PDE2A: variants seen among roughly 807,000 people sequenced by gnomAD.
The protein encoded by PDE2A is phosphodiesterase 2A.
In PDE2A, 53 loss-of-function variants were observed where a neutral mutation model predicts 133.6. The ratio of observed to expected loss-of-function variants is 0.40; its 90% confidence interval spans 0.32 to 0.50. The LOEUF is 0.50. Among genes scored for constraint, PDE2A ranks in the 20% least tolerant of loss-of-function variants. The pLI, the probability that PDE2A is intolerant of heterozygous loss-of-function variation, is 0.73. For missense variants in PDE2A, 796 were observed against 1,232.4 expected (o/e 0.65, Z 5.30); for synonymous variants, 491 against 490.2 (o/e 1.00, Z -0.02).
intron 2 of PDE2A, among the ~76,000 whole-genome samples, chr11:72,639,257 G>T (rs781160676): frequency 6.6e-6 from 1 of 152,188 alleles, no homozygotes; most frequent in African/African-American, 2.4e-5. Flanking sequence ...TGTGAGGATG[G>T]GGACTCTTTC....
rs547959425 is a variant in PDE2A at position 72,621,229 on chromosome 11, C to T, written c.145-12478G>A. Among the ~76,000 whole-genome samples, 44 of 152,290 alleles carry T rather than the reference C, an allele frequency of 2.9e-4. No homozygotes were observed. In the South Asian group the frequency reaches 8.3e-3, roughly 29 times the overall value. On this transcript the variant is annotated intron_variant, in intron 2 of 30. Transcript: ENST00000334456. ...CACATCCTGCCTCCAGGAAGCCTTC[C>T]TGGGTATTCAGAGAAGGGAGGAGCT...
intron 1 of PDE2A, among the ~76,000 whole-genome samples, chr11:72,672,526 C>T (rs1475718782): frequency 2.0e-5 from 3 of 152,146 alleles, no homozygotes; most frequent in African/African-American, 7.2e-5. Context: ...CATGTCTCTC[C>T]CCTATATAAA....
intron 24 of PDE2A, 122 bp from the exon 25 acceptor site, chr11:72,580,746 G>A: frequency 1.0e-6 from 1 of 997,516 alleles, no homozygotes; most frequent in Non-Finnish European, 1.6e-6. Context: ...AGAGCCAGGG[G>A]CAAACCCTGG....
Position 72,578,207 on chromosome 11 carries a change from C to A in PDE2A, c.2615+26G>T, listed in dbSNP as rs770531106. 35 of 1,401,226 alleles carry A rather than the reference C, an allele frequency of 2.5e-5. No individual in the cohort carries two copies. The Admixed American group carries it at 5.9e-4, about 23-fold the overall frequency. 86.8% of individuals were successfully genotyped at this position (1,401,226 alleles called of 1,614,324 possible). On this transcript the variant is annotated intron_variant, in intron 30 of 30. Coordinates refer to ENST00000334456, the MANE Select transcript of PDE2A (RefSeq NM_002599.5). This position sits in a 1 kb window ranked among gnomAD's most constrained non-coding sequence, Gnocchi z 4.2. The stretch of plus-strand genomic sequence containing the variant: ...CAGCCTACCCTCTCTGTGCAGGGTG[C>A]AGCTTGTCCCCATGAGCTCACTCAC...
intron 1 of PDE2A, among the ~76,000 whole-genome samples, chr11:72,655,759 G>A (rs1339487702): frequency 6.6e-6 from 1 of 151,990 alleles, no homozygotes; most frequent in Admixed American, 6.5e-5. Flanking sequence ...TGCTACACGA[G>A]AGCTTTTATT....
intron 1 of PDE2A, among the ~76,000 whole-genome samples, chr11:72,656,843 C>T (rs1854913281): frequency 6.6e-6 from 1 of 152,054 alleles, no homozygotes; most frequent in East Asian, 1.9e-4. Context: ...GGGCCTGTTT[C>T]CCCATCTCTA....
chr11:72,635,866 C>G (rs1487146804), intron 2 of PDE2A: 1 of 563,282 alleles, frequency 1.8e-6, no homozygotes, highest in African/African-American at 1.9e-5. Flanking sequence ...TGGGGCGATA[C>G]TGCTCTTCAG....
Position 72,590,004 on chromosome 11 carries a change from G to A in PDE2A, c.757-23C>T, listed in dbSNP as rs375650047. The A allele has an allele frequency of 5.8e-5, 93 of 1,599,650 alleles. No individual in the cohort carries two copies. Among genetic ancestry groups the A allele is most frequent in the Non-Finnish European group, 7.8e-5 (91 of 1,172,132 alleles). On this transcript the variant is annotated intron_variant, in intron 9 of 30. Coordinates refer to ENST00000334456, the MANE Select transcript of PDE2A (RefSeq NM_002599.5). This position sits in a 1 kb window ranked among gnomAD's most constrained non-coding sequence, Gnocchi z 4.8. ...CAGCTGAGAGAGGGACAGGCAGGGC[G>A]AGGGGGTGACCGCGGATCCGGGTCA...
chr11:72,634,479 T>C (rs1314837918), intron 2 of PDE2A, among the ~76,000 whole-genome samples: 1 of 152,132 alleles, frequency 6.6e-6, no homozygotes, highest in African/African-American at 2.4e-5. Context: ...TCAGGCCCCG[T>C]TGTGCTGTGT....
intron 7 of PDE2A, 150 bp downstream of exon 7, chr11:72,591,147 C>G (rs429075): frequency 0.54 from 367,162 of 678,440 alleles, 104,396 homozygotes; most frequent in East Asian, 0.76. Context: ...GGCCCAGAGA[C>G]GTTTAGTGAC....
Position 72,597,369 on chromosome 11 carries a change from G to A in PDE2A, c.433+141C>T, listed in dbSNP as rs1856534156. Reference sequence around the variant, plus strand: ...TAGTACAATAGAGAGAGAATTAGATGGAGGGACTGCTAGAGACACAGAGCA... The same window carrying A: ...TAGTACAATAGAGAGAGAATTAGATAGAGGGACTGCTAGAGACACAGAGCA... On this transcript the variant is annotated intron_variant, in intron 5 of 30. Coordinates refer to ENST00000334456, the MANE Select transcript of PDE2A (RefSeq NM_002599.5). This position sits in a 1 kb window ranked among gnomAD's most constrained non-coding sequence, Gnocchi z 4.6. 2 of 595,432 alleles carry A rather than the reference G, an allele frequency of 3.4e-6. No homozygotes were observed. The highest frequency in any genetic ancestry group is 3.7e-5 in the African/African-American group (2 of 53,804). 36.9% of individuals were successfully genotyped at this position (595,432 alleles called of 1,614,324 possible).
rs1855509479 is a variant in PDE2A, at chr11:72,577,274, GA to G, written c.*109del. Reference sequence around the variant, plus strand: ...GTAGTACTTGTCCAGGGTCACACAGGAAGTCCTGGTCTAGGACCCAGGACCC... The same window carrying G: ...GTAGTACTTGTCCAGGGTCACACAGGAGTCCTGGTCTAGGACCCAGGACCC... On this transcript the variant is annotated 3_prime_UTR_variant, in exon 31 of 31. Coordinates refer to ENST00000334456, the MANE Select transcript of PDE2A (RefSeq NM_002599.5). 1 of 734,842 alleles carries G rather than the reference GA, an allele frequency of 1.4e-6. No homozygotes were observed. Among genetic ancestry groups the G allele is most frequent in the African/African-American group, 1.8e-5 (1 of 57,114 alleles). 45.5% of individuals were successfully genotyped at this position (734,842 alleles called of 1,614,324 possible).
intron 3 of PDE2A, among the ~76,000 whole-genome samples, chr11:72,606,138 A>C (rs1454955946): frequency 6.6e-6 from 1 of 151,958 alleles, no homozygotes; most frequent in Non-Finnish European, 1.5e-5. Flanking sequence ...GTCTTGGCAG[A>C]AGTAGTTGCC....
chr11:72,590,066 C>T lies in PDE2A; in HGVS notation c.757-85G>A. 7.0e-7 allele frequency: 1 copy of T among 1,422,896 alleles called. No homozygotes were observed. The highest frequency in any genetic ancestry group is 9.7e-7 in the Non-Finnish European group (1 of 1,034,344). The allele number at this position is 1,422,896 out of a possible 1,614,324, so 88.1% of individuals were successfully genotyped here. On this transcript the variant is annotated intron_variant, in intron 9 of 30. Transcript: ENST00000334456. This position sits in a 1 kb window ranked among gnomAD's most constrained non-coding sequence, Gnocchi z 4.8. ...ACCTGCTCCCCTCTCCGGGGCTCTT[C>T]AGGCGGGTGGAGGAGAGAGGAAGGA...
At position 72,580,568 on chromosome 11, in the gene PDE2A, G is replaced by T; in HGVS notation, c.2181+9C>A. On this transcript the variant is annotated intron_variant, in intron 25 of 30. Coordinates refer to ENST00000334456, the MANE Select transcript of PDE2A (RefSeq NM_002599.5). ...GGAAGAAGGACGGGGTGGGACAGAA[G>T]AGTGATACCTCCATGACGGAGCCCT... 1 of 1,561,720 alleles carries T rather than the reference G, an allele frequency of 6.4e-7. No homozygotes were observed. The highest frequency in any genetic ancestry group is 8.7e-7 in the Non-Finnish European group (1 of 1,150,004).
intron 6 of PDE2A, among the ~76,000 whole-genome samples, chr11:72,592,305 G>A (rs1020709919): frequency 6.6e-6 from 1 of 152,188 alleles, no homozygotes; most frequent in Non-Finnish European, 1.5e-5. Context: ...CACAGCGCCT[G>A]CACTGGGGGC....
Position 72,654,554 on chromosome 11 carries a change from C to T in PDE2A, c.72-12228G>A, listed in dbSNP as rs548909830. Among the ~76,000 whole-genome samples, 13 of 152,180 alleles carry T rather than the reference C, an allele frequency of 8.5e-5. No individual in the cohort carries two copies. The East Asian group carries it at 2.3e-3, about 27-fold the overall frequency. ...GGCCTGGGGTGGGTCCCCAGCCCTC[C>T]TCCGGCCACCACTGCTCCTAGCACC... On this transcript the variant is annotated intron_variant, in intron 1 of 30. Transcript: ENST00000334456.
At chr11:72,598,033 C>T (rs1856566935) in intron 4 of PDE2A, among the ~76,000 whole-genome samples, 1 of 152,184 alleles carries the variant, frequency 6.6e-6, no homozygotes, top group Admixed American at 6.5e-5. Flanking sequence ...CCTCAGAAAA[C>T]AATTGTTGAT....
chr11:72,584,072 C>T (rs1361987158), intron 19 of PDE2A, 129 bp downstream of exon 19: 3 of 624,396 alleles, frequency 4.8e-6, no homozygotes, highest in Admixed American at 2.6e-5. Flanking sequence ...TGCACCCCAG[C>T]GGCGGGACTC....
Sources: gnomAD v4.1 joint callset for allele counts (sites outside exome capture counted in the v4.1 genomes callset) on GRCh38, gnomAD v4.1.1 for gene constraint, Gnocchi (gnomAD v3.1) non-coding constraint, MANE v1.5 for transcripts, NCBI Gene and HGNC (gene_info 2026-07-23, HGNC 2026-07-21) for gene names.